AGAP3: variants seen among roughly 807,000 people sequenced by gnomAD.
The protein encoded by AGAP3 is ArfGAP with GTPase domain, ankyrin repeat and PH domain 3, also known as arf-GAP with GTPase, ANK repeat and PH domain-containing protein 3.
A neutral mutation model predicts 96.9 loss-of-function variants in AGAP3; 24 were observed. The ratio of observed to expected loss-of-function variants is 0.25; its 90% CI spans 0.18 to 0.35. The LOEUF is 0.35. Ranked by LOEUF, AGAP3 falls within the 10% of genes least tolerant of loss-of-function variation. The pLI, the probability that AGAP3 is intolerant of heterozygous loss-of-function variation, is 1.00. For synonymous variants in AGAP3, 563 were observed against 536.1 expected (o/e 1.05, Z -0.69); for missense variants, 876 against 1,254.2 (o/e 0.70, Z 4.55).
Position 151,144,372 on chromosome 7 carries a change from A to G in AGAP3, c.*429A>G, listed in dbSNP as rs1325319972. Reference sequence around the variant, plus strand: ...GTAAACTTTGTACATTGGAATATTTATGTTTGTGTACATATTTGATGTGTG... The same window carrying G: ...GTAAACTTTGTACATTGGAATATTTGTGTTTGTGTACATATTTGATGTGTG... On this transcript the variant is annotated 3_prime_UTR_variant, in exon 18 of 18. Coordinates refer to ENST00000397238, the MANE Select transcript of AGAP3 (RefSeq NM_031946.7). 4.8e-6 allele frequency: 1 copy of G among 208,304 alleles called. No individual in the cohort carries two copies. Among genetic ancestry groups the G allele is most frequent in the Non-Finnish European group, 9.7e-6 (1 of 102,976 alleles). The allele number at this position is 208,304 out of a possible 1,614,324, so 12.9% of individuals were successfully genotyped here.
chr7:151,121,369 C>CCTGCTG (rs201172297), intron 8 of AGAP3, among the ~76,000 whole-genome samples: 4 of 151,846 alleles, frequency 2.6e-5, no homozygotes, highest in Admixed American at 6.6e-5. Context: ...CGAGCCCACA[C>CCTGCTG]CTGCTGCTGC....
chr7:151,117,898 T>C, intron 5 of AGAP3, 121 bp downstream of exon 5: 1 of 1,351,052 alleles, frequency 7.4e-7, no homozygotes, highest in South Asian at 1.5e-5. Flanking sequence ...CAGTGCTGAC[T>C]GGGACCCTCA....
chr7:151,120,179 C>T, intron 8 of AGAP3, 34 bp downstream of exon 8: 2 of 1,564,968 alleles, frequency 1.3e-6, no homozygotes, highest in Non-Finnish European at 1.7e-6. Context: ...GCCCAGCTGC[C>T]TTTGCTGCAC....
intron 1 of AGAP3, among the ~76,000 whole-genome samples, chr7:151,109,863 C>T (rs149642606): frequency 2.0e-4 from 30 of 152,340 alleles, no homozygotes; most frequent in Admixed American, 1.8e-3. Context: ...CTCTCCCTTG[C>T]GCAATAGGAG....
At chr7:151,095,817 C>G (rs1196883589) in intron 1 of AGAP3, among the ~76,000 whole-genome samples, 1 of 151,262 alleles carries the variant, frequency 6.6e-6, no homozygotes, top group Non-Finnish European at 1.5e-5. Flanking sequence ...GCACCCCCTG[C>G]CCCCCTGCCA....
chr7:151,087,351 C>CCTG, intron 1 of AGAP3: 3 of 459,048 alleles, frequency 6.5e-6, no homozygotes, highest in Admixed American at 3.7e-5. Context: ...CTGTCCAGGC[C>CCTG]TGGCCGGGGA....
In AGAP3 at chr7:151,141,862, C is replaced by A; in HGVS notation, c.1805-36C>A. 2 of 1,613,976 alleles carry A rather than the reference C, an allele frequency of 1.2e-6. No individual in the cohort carries two copies. Among genetic ancestry groups the A allele is most frequent in the Non-Finnish European group, 1.7e-6 (2 of 1,179,886 alleles). On this transcript the variant is annotated intron_variant, in intron 13 of 17. Transcript: ENST00000397238. This position sits in a 1 kb window ranked among gnomAD's most constrained non-coding sequence, Gnocchi z 4.2. The stretch of plus-strand genomic sequence containing the variant: ...AGCATGCCCTGGGTGTGCACGCAGG[C>A]CAGGAGCCCTGATGGCATAAACACC...
chr7:151,135,345 C>T (rs1800552154), intron 11 of AGAP3, among the ~76,000 whole-genome samples: 1 of 152,234 alleles, frequency 6.6e-6, no homozygotes, highest in Non-Finnish European at 1.5e-5. Context: ...CATTCCTGTG[C>T]CCTGTCCCAG....
At position 151,118,845 on chromosome 7, in the gene AGAP3, C is replaced by T. The variant is rs1320078253; in HGVS notation, c.969+213C>T. ...CTGCCCCACGGTGCCTGCCCCTTCC[C>T]GCTGCAATCCCCACTTCTCTCTGCT... On this transcript the variant is annotated intron_variant, in intron 7 of 17. Transcript: ENST00000397238. This position sits in a 1 kb window ranked among gnomAD's most constrained non-coding sequence, Gnocchi z 6.1. 1.3e-5 allele frequency among the ~76,000 whole-genome samples: 2 copies of T among 152,178 alleles called. No individual in the cohort carries two copies. Among genetic ancestry groups the T allele is most frequent in the South Asian group, 2.1e-4 (1 of 4,830 alleles).
Position 151,114,569 on chromosome 7 carries a change from C to T in AGAP3, c.332-2224C>T. 1 of 362,700 alleles carries T rather than the reference C, an allele frequency of 2.8e-6. No individual in the cohort carries two copies. The highest frequency in any genetic ancestry group is 3.9e-6 in the Non-Finnish European group (1 of 259,500). The allele number at this position is 362,700 out of a possible 1,614,324, so 22.5% of individuals were successfully genotyped here. On this transcript the variant is annotated intron_variant, in intron 1 of 17. Transcript: ENST00000397238. This position sits in a 1 kb window ranked among gnomAD's most constrained non-coding sequence, Gnocchi z 4.4. ...CCCGGGCGTTCCAGGCCAGACTTGC[C>T]GCCTCTCTCTCCGGGCTGGGCTGAC...
intron 1 of AGAP3, chr7:151,090,411 G>A (rs1344282482): frequency 9.0e-6 from 1 of 111,314 alleles, no homozygotes; most frequent in Middle Eastern, 7.5e-3. Context: ...TTTTTAAACA[G>A]TTACTTCGAG....
chr7:151,118,229 TC>T lies in AGAP3; in HGVS notation c.730del (p.Arg244GlyfsTer15). On this transcript the variant is annotated frameshift_variant, in exon 6 of 18. Coordinates refer to ENST00000397238, the MANE Select transcript of AGAP3 (RefSeq NM_031946.7). LOFTEE classifies it high-confidence loss of function. The surrounding 1 kb of genome is among the most constrained non-coding windows in gnomAD (Gnocchi z 6.1). ...GTQDAISAAN[P>X]RVIDDSRARK... is the part of the protein sequence containing the mutation. ...CAACAGATGCCATCAGCGCTGCGAA[TC>T]CCCGGGTTATCGACGACAGCAGAGC... 1 of 1,611,466 alleles carries T rather than the reference TC, an allele frequency of 6.2e-7. No individual in the cohort carries two copies. Among genetic ancestry groups the T allele is most frequent in the Non-Finnish European group, 8.5e-7 (1 of 1,177,932 alleles).
chr7:151,100,710 T>G (rs1386228588), intron 1 of AGAP3, among the ~76,000 whole-genome samples: 1 of 152,104 alleles, frequency 6.6e-6, no homozygotes, highest in Non-Finnish European at 1.5e-5. Context: ...GGTGTGGTGG[T>G]GCACGCCTGT....
chr7:151,136,577 C>T (rs1254006831), intron 11 of AGAP3: 1 of 152,250 alleles, frequency 6.6e-6, no homozygotes, highest in Non-Finnish European at 1.5e-5. Flanking sequence ...ATTGATGGCT[C>T]CATGTTTAAT....
chr7:151,116,533 G>C, intron 1 of AGAP3: 1 of 538,832 alleles, frequency 1.9e-6, no homozygotes, highest in East Asian at 3.1e-5. Context: ...GAGGAGGAAG[G>C]ACACAGGGCC....
chr7:151,111,253 C>T (rs1234952619), intron 1 of AGAP3, among the ~76,000 whole-genome samples: 3 of 152,172 alleles, frequency 2.0e-5, no homozygotes, highest in African/African-American at 7.2e-5. Context: ...GCAAGAAGGG[C>T]CTGACTGTTT....
intron 8 of AGAP3, among the ~76,000 whole-genome samples, 197 bp downstream of exon 8, chr7:151,120,342 C>G (rs867488695): frequency 2.0e-5 from 3 of 152,350 alleles, no homozygotes; most frequent in Middle Eastern, 3.4e-3. Flanking sequence ...TCTGCACCCA[C>G]AAGGGGTTTC....
In AGAP3 at chr7:151,134,490, G is replaced by A; in HGVS notation, c.1417G>A (p.Ala473Thr). ...GAAGCGCCTGCCCCGAGCCACACCT[G>A]CCACAGCCCCGGGCACCAGCCCCCG... ...PGKRLPRATPATAPGTSPRAN... is the reference protein window; with the variant it reads ...PGKRLPRATPTTAPGTSPRAN... The change falls in exon 11 of 18, where the codon GCC becomes ACC. Residue 473 changes from alanine to threonine, a missense_variant. This residue lies in a region of AGAP3 where 63 missense variants were observed against 114.5 expected (regional missense o/e 0.55). Transcript: ENST00000397238. 2 of 1,613,310 alleles carry A rather than the reference G, an allele frequency of 1.2e-6. No individual in the cohort carries two copies. The highest frequency in any genetic ancestry group is 1.7e-6 in the Non-Finnish European group (2 of 1,180,006).
At chr7:151,112,431 GTGTGTCCAGCA>G (rs1799334904) in intron 1 of AGAP3, among the ~76,000 whole-genome samples, 1 of 143,914 alleles carries the variant, frequency 6.9e-6, no homozygotes, top group African/African-American at 2.8e-5. Context: ...GTGTGTGTGT[GTGTGTCCAGCA>G]TGTGTGCAGC....
Sources: allele counts gnomAD v4.1 joint callset (sites outside exome capture counted in the v4.1 genomes callset), GRCh38; gene constraint gnomAD v4.1.1; regional missense constraint gnomAD v4.1.1; non-coding constraint Gnocchi (gnomAD v3.1); transcripts MANE v1.5; gene names NCBI Gene and HGNC (gene_info 2026-07-23, HGNC 2026-07-21).